Variants in SPATA12 observed in about 807,000 individuals in gnomAD.
SPATA12 encodes spermatogenesis associated 12.
For missense variants in SPATA12, 219 were observed against 226.4 expected (o/e 0.97, Z 0.21); for synonymous variants, 85 against 89.2 (o/e 0.95, Z 0.26).
intron 1 of SPATA12, among the ~76,000 whole-genome samples, chr3:57,062,105 G>A (rs1705252618): frequency 6.6e-6 from 1 of 152,120 alleles, no homozygotes. Context: ...ACTGCTAGCA[G>A]TGAGAAATCC....
At position 57,074,308 on chromosome 3, in the gene SPATA12, T is replaced by C. The variant is rs773086530; in HGVS notation, c.*41T>C. 4.1e-5 allele frequency: 65 copies of C among 1,567,322 alleles called. No individual in the cohort carries two copies. Among genetic ancestry groups the C allele is most frequent in the Non-Finnish European group, 5.1e-5 (58 of 1,147,816 alleles). ...CAACATCTGAGAGTCTGGCAGCTGT[T>C]TGTCTGGGCCTTTGCACATGCTATG... On this transcript the variant is annotated 3_prime_UTR_variant, in exon 2 of 2. Coordinates refer to ENST00000334325, the MANE Select transcript of SPATA12 (RefSeq NM_181727.2).
chr3:57,063,107 C>T (rs151307784), intron 1 of SPATA12, among the ~76,000 whole-genome samples: 130 of 152,294 alleles, frequency 8.5e-4, no homozygotes, highest in African/African-American at 3.0e-3. Flanking sequence ...AGGGACCAAG[C>T]TCTGCAGATA....
chr3:57,070,578 G>A (rs7427326), intron 1 of SPATA12, among the ~76,000 whole-genome samples: 64,156 of 151,978 alleles, frequency 0.42, 15,887 homozygotes, highest in East Asian at 0.83. Context: ...TGTAACCCCT[G>A]TCAAAATCTC....
intron 1 of SPATA12, among the ~76,000 whole-genome samples, chr3:57,071,157 C>T (rs984051611): frequency 6.6e-6 from 1 of 152,096 alleles, no homozygotes. Context: ...GAAATAAATG[C>T]TTACATTTAT....
rs762345048 is a variant in SPATA12 at position 57,074,115 on chromosome 3, A to C, written c.421A>C (p.Thr141Pro). ...GMEDGDNERT[T>P]GWLWRLCEDI... ...GGAAGATGGGGATAATGAGAGGACC[A>C]CAGGATGGTTGTGGAGACTGTGTGA... The change falls in exon 2 of 2, where the codon ACA (threonine) becomes CCA (proline). Residue 141 changes from threonine to proline, a missense_variant. Physicochemically the swap from Thr to Pro is conservative, Grantham distance 38 (BLOSUM62 -1). Transcript: ENST00000334325. 1 of 1,614,034 alleles carries C rather than the reference A, an allele frequency of 6.2e-7. No homozygotes were observed. Among genetic ancestry groups the C allele is most frequent in the Non-Finnish European group, 8.5e-7 (1 of 1,179,868 alleles).
Position 57,073,541 on chromosome 3 carries a change from C to T in SPATA12, c.-154C>T, listed in dbSNP as rs961011047. On this transcript the variant is annotated 5_prime_UTR_variant, in exon 2 of 2. Coordinates refer to ENST00000334325, the MANE Select transcript of SPATA12 (RefSeq NM_181727.2). ...GTGGGGTTTGGCTCTGTTTGAGCACCCCGGGATGATTGGTGGTGGGGTGTG... is the reference window on the plus strand; with the variant it reads ...GTGGGGTTTGGCTCTGTTTGAGCACTCCGGGATGATTGGTGGTGGGGTGTG... 8 of 1,323,394 alleles carry T rather than the reference C, an allele frequency of 6.0e-6. No individual in the cohort carries two copies. The highest frequency in any genetic ancestry group is 7.0e-6 in the Non-Finnish European group (7 of 997,734). The allele number at this position is 1,323,394 out of a possible 1,614,324, so 82.0% of individuals were successfully genotyped here.
intron 1 of SPATA12, among the ~76,000 whole-genome samples, chr3:57,067,336 TC>T (rs1705599408): frequency 6.6e-6 from 1 of 151,556 alleles, no homozygotes. Flanking sequence ...GCGCCTGTAC[TC>T]CCAGTTACTC....
chr3:57,071,785 A>G (rs78227129), intron 1 of SPATA12, among the ~76,000 whole-genome samples: 13,677 of 152,254 alleles, frequency 0.09, 871 homozygotes, highest in East Asian at 0.35. Context: ...AACTTCACCA[A>G]AATTAAAACC....
chr3:57,065,870 T>C (rs1300322948), intron 1 of SPATA12, among the ~76,000 whole-genome samples: 1 of 152,082 alleles, frequency 6.6e-6, no homozygotes, highest in Non-Finnish European at 1.5e-5. Flanking sequence ...TTGTTGCAGA[T>C]AAATGGCACC....
chr3:57,063,111 G>A (rs895234892), intron 1 of SPATA12, among the ~76,000 whole-genome samples: 2 of 152,234 alleles, frequency 1.3e-5, no homozygotes, highest in Non-Finnish European at 1.5e-5. Context: ...ACCAAGCTCT[G>A]CAGATATTGG....
chr3:57,070,423 T>C (rs977997869), intron 1 of SPATA12, among the ~76,000 whole-genome samples: 1 of 152,192 alleles, frequency 6.6e-6, no homozygotes, highest in African/African-American at 2.4e-5. Flanking sequence ...TCTGTGCAGT[T>C]TGATGGATGG....
At position 57,067,696 on chromosome 3, in the gene SPATA12, G is replaced by A. The variant is rs541452277; in HGVS notation, c.-329-5670G>A. ...CAAAAAATTTAAAAAATTAGCCGGCGTGAGACCAGGCACGGTGGCTCATGC... is the reference window on the plus strand; with the variant it reads ...CAAAAAATTTAAAAAATTAGCCGGCATGAGACCAGGCACGGTGGCTCATGC... On this transcript the variant is annotated intron_variant, in intron 1 of 1. Transcript: ENST00000334325. 2.1e-4 allele frequency among the ~76,000 whole-genome samples: 32 copies of A among 149,890 alleles called. No homozygotes were observed. The South Asian group carries it at 4.0e-3, about 19-fold the overall frequency.
chr3:57,074,632 ATC>A lies in SPATA12; in HGVS notation c.*369_*370del. 4.5e-6 allele frequency: 1 copy of A among 221,074 alleles called. No individual in the cohort carries two copies. The highest frequency in any genetic ancestry group is 9.8e-6 in the Non-Finnish European group (1 of 101,806). 13.7% of individuals were successfully genotyped at this position (221,074 alleles called of 1,614,324 possible). ...CTGATCCCCGATCCTATACATTTTC[ATC>A]TCTTTATTGTTTCTATCAAAGCCTG... On this transcript the variant is annotated 3_prime_UTR_variant, in exon 2 of 2. Coordinates refer to ENST00000334325, the MANE Select transcript of SPATA12 (RefSeq NM_181727.2).
Position 57,074,357 on chromosome 3 carries a change from C to G in SPATA12, c.*90C>G, listed in dbSNP as rs938490003. On this transcript the variant is annotated 3_prime_UTR_variant, in exon 2 of 2. Coordinates refer to ENST00000334325, the MANE Select transcript of SPATA12 (RefSeq NM_181727.2). The stretch of plus-strand genomic sequence containing the variant: ...TGCCCTCCCTTCCATCCCCCACCCC[C>G]ACCAGGGGTGACTCGTAGCCATCCC... The G allele has an allele frequency of 1.7e-6, 2 of 1,168,896 alleles. No individual in the cohort carries two copies. The highest frequency in any genetic ancestry group is 2.5e-6 in the Non-Finnish European group (2 of 809,292). 72.4% of individuals were successfully genotyped at this position (1,168,896 alleles called of 1,614,324 possible).
intron 1 of SPATA12, among the ~76,000 whole-genome samples, chr3:57,066,174 C>T (rs1045659643): frequency 1.3e-5 from 2 of 152,126 alleles, no homozygotes; most frequent in Admixed American, 6.5e-5. Flanking sequence ...ACTTATTTTG[C>T]AGTCAATCAA....
At chr3:57,069,413 T>TCAC (rs1705758841) in intron 1 of SPATA12, among the ~76,000 whole-genome samples, 2 of 117,040 alleles carry the variant, frequency 1.7e-5, no homozygotes, top group South Asian at 5.5e-4. Context: ...ACACACACAT[T>TCAC]GTTTGTTTAA....
At position 57,074,147 on chromosome 3, in the gene SPATA12, A is replaced by C. The variant is rs1317188192; in HGVS notation, c.453A>C (p.Ile151=). ...GGTTGTGGAGACTGTGTGAGGATATAGATGCCGAGCCCAGTAGCACAGGGT... is the reference window on the plus strand; with the variant it reads ...GGTTGTGGAGACTGTGTGAGGATATCGATGCCGAGCCCAGTAGCACAGGGT... ...TGWLWRLCED[I]DAEPSSTGCS... is the part of the protein sequence containing the mutation. The change falls in exon 2 of 2, where the codon ATA becomes ATC. Residue 151 remains isoleucine, a synonymous_variant. Transcript: ENST00000334325. The C allele has an allele frequency of 1.2e-6, 2 of 1,614,066 alleles. No individual in the cohort carries two copies. The highest frequency in any genetic ancestry group is 1.7e-5 in the Admixed American group (1 of 59,998).
chr3:57,064,569 C>T (rs1308802657), intron 1 of SPATA12, among the ~76,000 whole-genome samples: 3 of 152,150 alleles, frequency 2.0e-5, no homozygotes, highest in African/African-American at 4.8e-5. Context: ...TCCGCCTCCT[C>T]GGTGCTGGGA....
chr3:57,062,487 C>A (rs189353942), intron 1 of SPATA12, among the ~76,000 whole-genome samples: 1 of 152,258 alleles, frequency 6.6e-6, no homozygotes, highest in South Asian at 2.1e-4. Context: ...CATGGGGAAG[C>A]CTTTCAGAGA....
Sources: allele counts gnomAD v4.1 joint callset (sites outside exome capture counted in the v4.1 genomes callset), GRCh38; gene constraint gnomAD v4.1.1; transcripts MANE v1.5; gene names NCBI Gene and HGNC (gene_info 2026-07-23, HGNC 2026-07-21).